The following KCNN3 variants were observed in gnomAD, a reference collection of about 807,000 sequenced individuals.
KCNN3 encodes the protein potassium calcium-activated channel subfamily N member 3.
KCNN3 carries 16 observed loss-of-function variants against 62.9 expected under a neutral mutation model. The observed-to-expected ratio is 0.25, with a 90% CI of 0.17 to 0.39. The LOEUF is 0.39. Ranked by LOEUF, KCNN3 falls within the 10% of genes least tolerant of loss-of-function variation. KCNN3 has a pLI of 1.00. For missense variants in KCNN3, 599 were observed against 949.4 expected (o/e 0.63, Z 4.85); for synonymous variants, 370 against 389.2 (o/e 0.95, Z 0.58).
intron 3 of KCNN3, among the ~76,000 whole-genome samples, chr1:154,759,554 G>C (rs1349730483): frequency 6.6e-6 from 1 of 152,198 alleles, no homozygotes; most frequent in African/African-American, 2.4e-5. Flanking sequence ...CATGCCCTTA[G>C]GCATCCGCTG....
At chr1:154,863,794 C>T (rs1268774859) in intron 1 of KCNN3, among the ~76,000 whole-genome samples, 2 of 152,220 alleles carry the variant, frequency 1.3e-5, no homozygotes. Flanking sequence ...GCCAGGATGC[C>T]CCTGGCGGAG....
chr1:154,831,965 C>A (rs574580401), intron 1 of KCNN3, among the ~76,000 whole-genome samples: 4 of 152,046 alleles, frequency 2.6e-5, no homozygotes, highest in African/African-American at 9.7e-5. Context: ...GGCTGCCTTG[C>A]CCCCATCATA....
intron 3 of KCNN3, among the ~76,000 whole-genome samples, chr1:154,754,499 G>A (rs373827684): frequency 9.9e-5 from 15 of 152,160 alleles, no homozygotes; most frequent in Admixed American, 3.9e-4. Context: ...ACATTTTCCC[G>A]CCATGTGAAT....
chr1:154,821,967 C>A, intron 2 of KCNN3, 122 bp downstream of exon 2: 1 of 752,328 alleles, frequency 1.3e-6, no homozygotes, highest in Non-Finnish European at 2.3e-6. Context: ...TCTTGGGCAC[C>A]GTCTTGTAAA....
chr1:154,788,883 G>A (rs1288700859), intron 2 of KCNN3, among the ~76,000 whole-genome samples: 2 of 152,184 alleles, frequency 1.3e-5, no homozygotes, highest in Admixed American at 6.5e-5. Context: ...TGAGGAAACT[G>A]AGGCATGAAG....
At chr1:154,859,095 G>A (rs1443542121) in intron 1 of KCNN3, among the ~76,000 whole-genome samples, 1 of 152,198 alleles carries the variant, frequency 6.6e-6, no homozygotes, top group African/African-American at 2.4e-5. Context: ...GCTCAACCCT[G>A]AGCAACATGC....
intron 1 of KCNN3, among the ~76,000 whole-genome samples, chr1:154,851,130 C>T (rs1276950178): frequency 1.3e-5 from 2 of 152,186 alleles, no homozygotes; most frequent in Admixed American, 6.5e-5. Context: ...AGGCGTGCAC[C>T]ACCATGCCCG....
chr1:154,735,261 C>T (rs1378503713), intron 3 of KCNN3, among the ~76,000 whole-genome samples: 1 of 152,166 alleles, frequency 6.6e-6, no homozygotes, highest in East Asian at 1.9e-4. Flanking sequence ...CACCGGAGCC[C>T]GGCCCTAGCA....
At position 154,701,711 on chromosome 1, in the gene KCNN3, T is replaced by A. The variant is rs1699856335; in HGVS notation, c.*6265A>T. 1 of 152,202 alleles carries A rather than the reference T, an allele frequency of 6.6e-6. No individual in the cohort carries two copies. Among genetic ancestry groups the A allele is most frequent in the South Asian group, 2.1e-4 (1 of 4,826 alleles). 9.4% of individuals were successfully genotyped at this position (152,202 alleles called of 1,614,324 possible). ...TAGGAGCTGGGCTCCATGTCCTTGATAAACATGTGGGAACCTTGCTCCCTC... is the reference window on the plus strand; with the variant it reads ...TAGGAGCTGGGCTCCATGTCCTTGAAAAACATGTGGGAACCTTGCTCCCTC... On this transcript the variant is annotated 3_prime_UTR_variant, in exon 8 of 8. Coordinates refer to ENST00000271915, the MANE Select transcript of KCNN3 (RefSeq NM_002249.6).
At chr1:154,822,216 A>G (rs770661631) in intron 1 of KCNN3, 32 bp from the exon 2 acceptor site, 1 of 1,489,922 alleles carries the variant, frequency 6.7e-7, no homozygotes, top group Non-Finnish European at 9.4e-7. Flanking sequence ...AGAATTAGGG[A>G]GTGCGGGGAA....
intron 2 of KCNN3, among the ~76,000 whole-genome samples, chr1:154,774,691 C>A (rs1306702925): frequency 2.6e-5 from 4 of 152,272 alleles, no homozygotes; most frequent in African/African-American, 9.6e-5. Context: ...CCACTCAAGA[C>A]TCCAGCCTCA....
At chr1:154,722,975 C>A (rs1700389173) in intron 5 of KCNN3, among the ~76,000 whole-genome samples, 2 of 152,022 alleles carry the variant, frequency 1.3e-5, no homozygotes, top group African/African-American at 4.8e-5. Context: ...CATGATCCAC[C>A]CACCTCGGCC....
At chr1:154,854,962 C>T (rs1430234608) in intron 1 of KCNN3, among the ~76,000 whole-genome samples, 4 of 152,140 alleles carry the variant, frequency 2.6e-5, no homozygotes, top group Non-Finnish European at 5.9e-5. Flanking sequence ...TCATGCCTGT[C>T]ATCCCAGCAC....
intron 1 of KCNN3, chr1:154,859,947 G>T (rs1652697413): frequency 3.3e-6 from 3 of 909,810 alleles, no homozygotes; most frequent in Non-Finnish European, 4.9e-6. Context: ...CACATCATTT[G>T]CATGCTGTTC....
At chr1:154,722,687 C>T (rs866182599) in intron 5 of KCNN3, among the ~76,000 whole-genome samples, 2 of 151,774 alleles carry the variant, frequency 1.3e-5, no homozygotes, top group Middle Eastern at 3.4e-3. Flanking sequence ...CCACCGCGCC[C>T]GGCCAAGAGC....
At position 154,708,075 on chromosome 1, in the gene KCNN3, G is replaced by A; in HGVS notation, c.2097C>T (p.Ser699=). Residue 699 remains serine (S), a synonymous_variant, in exon 8 of 8, where the codon AGC becomes AGT. Coordinates refer to ENST00000271915, the MANE Select transcript of KCNN3 (RefSeq NM_002249.6). ...GGGTGTGGGTGGTGCCCACTGCCACGCTGACACCCCGGGCCTCGATGATGG... is the reference window on the plus strand; with the variant it reads ...GGGTGTGGGTGGTGCCCACTGCCACACTGACACCCCGGGCCTCGATGATGG... ...LSAIIEARGV[S]VAVGTTHTPI... 2 of 1,613,718 alleles carry A rather than the reference G, an allele frequency of 1.2e-6. No homozygotes were observed. Among genetic ancestry groups the A allele is most frequent in the East Asian group, 2.2e-5 (1 of 44,872 alleles).
chr1:154,707,924 T>G lies in KCNN3; in HGVS notation c.*52A>C. The G allele has an allele frequency of 6.4e-7, 1 of 1,566,496 alleles. No individual in the cohort carries two copies. Among genetic ancestry groups the G allele is most frequent in the Non-Finnish European group, 8.7e-7 (1 of 1,148,420 alleles). ...GATGGCAAAGCGACCAGGAGAGAGT[T>G]GATTTGCATCTTAAGACCTATGGGT... On this transcript the variant is annotated 3_prime_UTR_variant, in exon 8 of 8. Coordinates refer to ENST00000271915, the MANE Select transcript of KCNN3 (RefSeq NM_002249.6).
chr1:154,836,439 A>G (rs978997098), intron 1 of KCNN3, among the ~76,000 whole-genome samples: 1 of 152,194 alleles, frequency 6.6e-6, no homozygotes, highest in African/African-American at 2.4e-5. Context: ...CGTTTTACAG[A>G]TGGAGAGACT....
At chr1:154,766,684 G>GTT (rs538280656) in intron 3 of KCNN3, among the ~76,000 whole-genome samples, 6,297 of 135,278 alleles carry the variant, frequency 0.047, 184 homozygotes, top group Non-Finnish European at 0.061. Flanking sequence ...TTTGGGGTTT[G>GTT]TTTTTTTTTT....
Sources: gnomAD v4.1 joint callset for allele counts (sites outside exome capture counted in the v4.1 genomes callset) on GRCh38, gnomAD v4.1.1 for gene constraint, MANE v1.5 for transcripts, NCBI Gene and HGNC (gene_info 2026-07-23, HGNC 2026-07-21) for gene names.